Variants in DGKB observed in about 807,000 individuals in gnomAD.
DGKB encodes the protein 90 kDa diacylglycerol kinase.
DGKB carries 67 observed loss-of-function variants against 114.3 expected under a neutral mutation model. The observed-to-expected ratio is 0.59, with a 90% CI of 0.48 to 0.72. The LOEUF is 0.72. DGKB is among the 30% of genes least tolerant of loss of function. The pLI, the probability that DGKB is intolerant of heterozygous loss-of-function variation, is 0.00. For missense variants in DGKB, 907 were observed against 975.2 expected, an observed-to-expected ratio of 0.93 and a Z score of 0.93; for synonymous variants, 398 against 323.1, an observed-to-expected ratio of 1.23 and a Z score of -2.49.
rs943768829 is a variant in DGKB, at chr7:14,877,027, G to T, written c.-188+25565C>A. Among the ~76,000 whole-genome samples the T allele has an allele frequency of 2.6e-5, 4 of 152,284 alleles. No individual in the cohort carries two copies. In the East Asian group the frequency reaches 7.7e-4, roughly 29 times the overall value. On this transcript the variant is annotated intron_variant, in intron 1 of 25. Transcript: ENST00000402815. ...CTAAAACTGTGTTTAGTGCTACGAA[G>T]AAGCACTAAATATGTGGAAAATACA... is the stretch of plus-strand genomic sequence containing the variant.
At chr7:14,368,040 A>G (rs1816985715) in intron 21 of DGKB, among the ~76,000 whole-genome samples, 1 of 152,042 alleles carries the variant, frequency 6.6e-6, no homozygotes, top group Non-Finnish European at 1.5e-5. Flanking sequence ...TCTTTTTTTA[A>G]TTTTAATTTT....
chr7:14,950,202 G>A, intron 1 of DGKB, among the ~76,000 whole-genome samples: 1 of 151,502 alleles, frequency 6.6e-6, no homozygotes, highest in Middle Eastern at 3.5e-3. Context: ...AGAAAAACAT[G>A]ACTCATCCCT....
chr7:14,650,969 G>C (rs1259196145), intron 13 of DGKB, among the ~76,000 whole-genome samples: 2 of 152,188 alleles, frequency 1.3e-5, no homozygotes, highest in South Asian at 4.1e-4. Flanking sequence ...TCTCTTAATA[G>C]ACCAATAACA....
chr7:14,214,962 C>G (rs1490098015), intron 23 of DGKB, among the ~76,000 whole-genome samples: 2 of 152,152 alleles, frequency 1.3e-5, no homozygotes, highest in East Asian at 3.9e-4. Flanking sequence ...TGCTTCTCCT[C>G]CCACTCAACA....
intron 17 of DGKB, among the ~76,000 whole-genome samples, chr7:14,586,902 G>A (rs748744314): frequency 6.6e-6 from 1 of 151,612 alleles, no homozygotes; most frequent in Non-Finnish European, 1.5e-5. Flanking sequence ...CATTGACAAT[G>A]TACCTGGTCA....
At chr7:14,657,027 C>T (rs1246260021) in intron 13 of DGKB, among the ~76,000 whole-genome samples, 1 of 151,708 alleles carries the variant, frequency 6.6e-6, no homozygotes, top group Non-Finnish European at 1.5e-5. Flanking sequence ...GGTTGGTTAA[C>T]CTCCCAAGGG....
At chr7:14,834,171 C>T (rs929258444) in intron 2 of DGKB, among the ~76,000 whole-genome samples, 39 of 151,954 alleles carry the variant, frequency 2.6e-4, no homozygotes, top group African/African-American at 8.7e-4. Context: ...ATACATAAGC[C>T]TTAGTGATAA....
chr7:14,477,623 T>A (rs1338074823), intron 21 of DGKB, among the ~76,000 whole-genome samples: 5 of 152,214 alleles, frequency 3.3e-5, no homozygotes, highest in African/African-American at 1.2e-4. Context: ...AATGTTTGCC[T>A]ATTGCTCTTA....
intron 1 of DGKB, among the ~76,000 whole-genome samples, chr7:14,842,962 C>T (rs1848139306): frequency 6.6e-6 from 1 of 152,142 alleles, no homozygotes; most frequent in South Asian, 2.1e-4. Context: ...AATCCCAGCA[C>T]ACTGGGAGGC....
intron 1 of DGKB, among the ~76,000 whole-genome samples, chr7:14,891,637 T>A (rs796392313): frequency 6.6e-6 from 1 of 151,428 alleles, no homozygotes; most frequent in Non-Finnish European, 1.5e-5. Context: ...TAGAGAGAAG[T>A]AGGGTTAACG....
chr7:14,888,254 G>A (rs1780624941), intron 1 of DGKB, among the ~76,000 whole-genome samples: 1 of 151,708 alleles, frequency 6.6e-6, no homozygotes, highest in Admixed American at 6.6e-5. Flanking sequence ...GAGGCACAGA[G>A]ACAGAGGCTC....
At chr7:14,751,930 T>A (rs2128435747) in intron 4 of DGKB, among the ~76,000 whole-genome samples, 1 of 152,358 alleles carries the variant, frequency 6.6e-6, no homozygotes, top group African/African-American at 2.4e-5. Flanking sequence ...CCACAGCCAC[T>A]GTCTCTAAAC....
At chr7:14,653,120 G>A (rs1315715627) in intron 13 of DGKB, among the ~76,000 whole-genome samples, 116 of 149,848 alleles carry the variant, frequency 7.7e-4, no homozygotes, top group Middle Eastern at 6.8e-3. Context: ...ATCTAGAACT[G>A]GAAATACCAT....
intron 12 of DGKB, among the ~76,000 whole-genome samples, chr7:14,677,125 G>T (rs922814827): frequency 3.3e-5 from 5 of 151,882 alleles, no homozygotes; most frequent in Non-Finnish European, 7.4e-5. Flanking sequence ...AGAAAAAGCT[G>T]TCTCAAGATA....
chr7:14,604,029 T>G (rs1326781354), intron 17 of DGKB, among the ~76,000 whole-genome samples: 1 of 152,160 alleles, frequency 6.6e-6, no homozygotes, highest in East Asian at 1.9e-4. Context: ...AAACATATTG[T>G]TATATAAAGC....
At chr7:14,167,418 G>A (rs947179673) in intron 25 of DGKB, among the ~76,000 whole-genome samples, 4 of 151,746 alleles carry the variant, frequency 2.6e-5, no homozygotes, top group African/African-American at 9.7e-5. Flanking sequence ...ATGCTACTTC[G>A]AGAAATATAT....
chr7:14,861,086 A>G (rs1850911018), intron 1 of DGKB, among the ~76,000 whole-genome samples: 1 of 151,948 alleles, frequency 6.6e-6, no homozygotes, highest in South Asian at 2.1e-4. Context: ...TTTTCACACA[A>G]TCTCTTTGTA....
intron 17 of DGKB, among the ~76,000 whole-genome samples, chr7:14,605,135 T>C (rs972527150): frequency 6.6e-6 from 1 of 151,960 alleles, no homozygotes; most frequent in Non-Finnish European, 1.5e-5. Context: ...TGGTAATAAT[T>C]GTAAAACACA....
intron 21 of DGKB, among the ~76,000 whole-genome samples, chr7:14,440,797 G>A (rs1333312407): frequency 6.6e-6 from 1 of 152,154 alleles, no homozygotes; most frequent in African/African-American, 2.4e-5. Context: ...CTACTGACAA[G>A]TTGCTCTTCA....
Sources: allele counts gnomAD v4.1 joint callset (sites outside exome capture counted in the v4.1 genomes callset), GRCh38; gene constraint gnomAD v4.1.1; transcripts MANE v1.5; gene names NCBI Gene and HGNC (gene_info 2026-07-23, HGNC 2026-07-21).